CREBRF: variants seen among roughly 807,000 people sequenced by gnomAD.
CREBRF encodes CREB3 regulatory factor.
Under a neutral mutation model 66.1 loss-of-function variants are expected in CREBRF, and 5 were observed. The observed-to-expected ratio is 0.08, with a 90% CI of 0.04 to 0.16. The LOEUF is 0.16. Ranked by LOEUF, CREBRF falls within the 10% of genes least tolerant of loss-of-function variation. The pLI is 1.00. For synonymous variants in CREBRF, 229 were observed against 264.4 expected, an observed-to-expected ratio of 0.87 and a Z score of 1.30; for missense variants, 531 against 744.9, an observed-to-expected ratio of 0.71 and a Z score of 3.34.
At chr5:173,117,622 A>C (rs186978454) in intron 7 of CREBRF, among the ~76,000 whole-genome samples, 747 of 20,088 alleles carry the variant, frequency 0.037, 11 homozygotes, top group Middle Eastern at 0.075. Flanking sequence ...TCCCTCCCTC[A>C]CTCCCTCCCT....
chr5:173,109,104 C>T, intron 5 of CREBRF: 1 of 299,620 alleles, frequency 3.3e-6, no homozygotes, highest in Non-Finnish European at 6.1e-6. Context: ...TAGGAGGCTG[C>T]TGGTTTCTGA....
chr5:173,100,066 C>T (rs952700195), intron 4 of CREBRF, among the ~76,000 whole-genome samples: 7 of 115,480 alleles, frequency 6.1e-5, no homozygotes, highest in African/African-American at 2.3e-4. Context: ...GCCACCACAC[C>T]TGGCTAATCT....
chr5:173,116,692 T>A (rs562758195), intron 7 of CREBRF, among the ~76,000 whole-genome samples: 1 of 152,344 alleles, frequency 6.6e-6, no homozygotes, highest in South Asian at 2.1e-4. Context: ...TGAGTATTTG[T>A]GTACAAGTAT....
chr5:173,130,634 T>G (rs573668659), intron 8 of CREBRF, among the ~76,000 whole-genome samples: 3 of 152,186 alleles, frequency 2.0e-5, no homozygotes, highest in Non-Finnish European at 4.4e-5. Context: ...AAGTGATCTT[T>G]CAGCACCAAC....
chr5:173,102,764 A>G (rs1207486563), intron 4 of CREBRF, among the ~76,000 whole-genome samples: 2 of 152,102 alleles, frequency 1.3e-5, no homozygotes. Flanking sequence ...CCTGGAGTCC[A>G]GGACTCCAGG....
At chr5:173,092,605 ACTAT>A (rs751646116) in intron 4 of CREBRF, among the ~76,000 whole-genome samples, 57 of 152,202 alleles carry the variant, frequency 3.7e-4, no homozygotes, top group Middle Eastern at 6.8e-3. Flanking sequence ...TTAAAAAAAA[ACTAT>A]CAAAGAGAGC....
chr5:173,133,097 CT>C (rs1216975905), intron 8 of CREBRF, among the ~76,000 whole-genome samples: 1 of 152,184 alleles, frequency 6.6e-6, no homozygotes, highest in Non-Finnish European at 1.5e-5. Flanking sequence ...ACCTTTCTCC[CT>C]CTTCTCTTCC....
At chr5:173,115,309 GT>G (rs1459445016) in intron 7 of CREBRF, among the ~76,000 whole-genome samples, 1 of 151,954 alleles carries the variant, frequency 6.6e-6, no homozygotes, top group African/African-American at 2.4e-5. Flanking sequence ...GTTTCTTCAT[GT>G]TGGTCAGGCT....
intron 2 of CREBRF, chr5:173,085,803 C>T: frequency 1.3e-6 from 1 of 778,572 alleles, no homozygotes; most frequent in South Asian, 1.3e-5. Flanking sequence ...AGCTTTTTAG[C>T]AGTCTCTGGA....
chr5:173,097,510 G>T (rs1758507358), intron 4 of CREBRF, among the ~76,000 whole-genome samples: 1 of 152,124 alleles, frequency 6.6e-6, no homozygotes. Flanking sequence ...CTCCCAAAGT[G>T]CTGGGATTAC....
At chr5:173,108,480 C>T in intron 4 of CREBRF, 144 bp from the exon 5 acceptor site, 1 of 665,834 alleles carries the variant, frequency 1.5e-6, no homozygotes, top group East Asian at 2.8e-5. Context: ...CTCTTATAGA[C>T]CTGGTTTATT....
In CREBRF at chr5:173,115,156, G is replaced by T. The variant is rs557638902; in HGVS notation, c.1681+2777G>T. Among the ~76,000 whole-genome samples the T allele has an allele frequency of 1.7e-4, 25 of 150,824 alleles. No individual in the cohort carries two copies. The East Asian group carries it at 4.5e-3, about 27-fold the overall frequency. ...AGTTTCACTCTTGTTGCCCGGGCTG[G>T]AGTGCAATGGCGCGATCTCGGCTCA... On this transcript the variant is annotated intron_variant, in intron 7 of 8. Coordinates refer to ENST00000296953, the MANE Select transcript of CREBRF (RefSeq NM_153607.3).
chr5:173,130,414 A>G (rs1033335625), intron 8 of CREBRF, among the ~76,000 whole-genome samples: 1 of 152,176 alleles, frequency 6.6e-6, no homozygotes, highest in Non-Finnish European at 1.5e-5. Flanking sequence ...TTGTCTGTCA[A>G]CTTTTCATTT....
At chr5:173,072,447 TTTTG>T (rs1341219953) in intron 1 of CREBRF, among the ~76,000 whole-genome samples, 2 of 152,230 alleles carry the variant, frequency 1.3e-5, no homozygotes, top group South Asian at 2.1e-4. Context: ...GGCTAATTTT[TTTTG>T]TTTATTAGTA....
chr5:173,090,210 TA>T lies in CREBRF; in HGVS notation c.136-101del. ...AGCGTCCTGTCAGTAGCCTTTATGTTAAAACAGACCAAAAGTCAAGTATTGA... is the reference window on the plus strand; with the variant it reads ...AGCGTCCTGTCAGTAGCCTTTATGTTAAACAGACCAAAAGTCAAGTATTGA... On this transcript the variant is annotated intron_variant, in intron 3 of 8. Coordinates refer to ENST00000296953, the MANE Select transcript of CREBRF (RefSeq NM_153607.3). The surrounding 1 kb of genome is among the most constrained non-coding windows in gnomAD (Gnocchi z 4.5). 1 of 906,752 alleles carries T rather than the reference TA, an allele frequency of 1.1e-6. No individual in the cohort carries two copies. Among genetic ancestry groups the T allele is most frequent in the Non-Finnish European group, 1.6e-6 (1 of 608,330 alleles). 56.2% of individuals were successfully genotyped at this position (906,752 alleles called of 1,614,324 possible). A position where few individuals can be genotyped will look rare whatever the true frequency, so the allele number is the denominator to read the frequency against.
rs1407965107 is a variant in CREBRF, at chr5:173,090,905, C to G, written c.726C>G (p.Ile242Met). The change falls in exon 4 of 9, where the codon ATC becomes ATG. Residue 242 changes from isoleucine to methionine, a missense_variant. Transcript: ENST00000296953. The surrounding 1 kb of genome is among the most constrained non-coding windows in gnomAD (Gnocchi z 4.5). ...ATGTAAAAAAGGCAAAGGTAAAGAT[C>G]AACCCAGTGCAACAGAGCCGGCCCT... ...KDYVKKAKVK[I>M]NPVQQSRPLL... 3.1e-6 allele frequency: 5 copies of G among 1,614,036 alleles called. No homozygotes were observed. Among genetic ancestry groups the G allele is most frequent in the African/African-American group, 1.3e-5 (1 of 74,924 alleles).
At chr5:173,112,826 G>T (rs1479371150) in intron 7 of CREBRF, among the ~76,000 whole-genome samples, 1 of 152,194 alleles carries the variant, frequency 6.6e-6, no homozygotes, top group African/African-American at 2.4e-5. Context: ...GATATTTTAG[G>T]CTTCGTATGA....
chr5:173,073,364 C>T (rs1484820152), intron 1 of CREBRF, among the ~76,000 whole-genome samples: 6 of 152,154 alleles, frequency 3.9e-5, no homozygotes, highest in South Asian at 2.1e-4. Context: ...AAATACTGGT[C>T]CTTGTTACTT....
intron 4 of CREBRF, among the ~76,000 whole-genome samples, chr5:173,093,159 A>G (rs1581683098): frequency 6.6e-6 from 1 of 152,262 alleles, no homozygotes; most frequent in East Asian, 1.9e-4. Context: ...AGGATGGGTA[A>G]TTAAGGGAAA....
Sources: gnomAD v4.1 joint callset for allele counts (sites outside exome capture counted in the v4.1 genomes callset) on GRCh38, gnomAD v4.1.1 for gene constraint, Gnocchi (gnomAD v3.1) non-coding constraint, MANE v1.5 for transcripts, NCBI Gene and HGNC (gene_info 2026-07-23, HGNC 2026-07-21) for gene names.